Variants in PCDHGA5 observed in about 807,000 individuals in gnomAD.
The protein encoded by PCDHGA5 is protocadherin gamma-A5.
PCDHGA5 carries 36 observed loss-of-function variants against 56.7 expected under a neutral mutation model. The observed-to-expected ratio is 0.64, with a 90% CI of 0.49 to 0.84. The LOEUF (loss-of-function observed/expected upper bound fraction) is 0.84, where lower values mean the gene tolerates loss of function less well. PCDHGA5 is among the 40% of genes least tolerant of loss of function. The pLI is 0.00. For synonymous variants in PCDHGA5, 563 were observed against 520.2 expected, an observed-to-expected ratio of 1.08 and a Z score of -1.12; for missense variants, 1,305 against 1,201.5, an observed-to-expected ratio of 1.09 and a Z score of -1.27.
At chr5:141,387,976 A>G (rs1406804687) in intron 1 of PCDHGA5, 2 of 1,490,180 alleles carry the variant, frequency 1.3e-6, no homozygotes, top group South Asian at 2.6e-5. Context: ...GCGCTCTGTG[A>G]GCAGATCCGC....
chr5:141,426,978 G>A (rs1383521288), intron 1 of PCDHGA5: 1 of 456,770 alleles, frequency 2.2e-6, no homozygotes, highest in Non-Finnish European at 4.4e-6. Flanking sequence ...TGAGGTCACT[G>A]ATGCCAACGA....
At chr5:141,460,435 A>G (rs1002182353) in intron 1 of PCDHGA5, among the ~76,000 whole-genome samples, 1 of 152,144 alleles carries the variant, frequency 6.6e-6, no homozygotes, top group Admixed American at 6.6e-5. Context: ...GTATGGTGTG[A>G]GGTAACAATG....
At chr5:141,430,737 A>G in intron 1 of PCDHGA5, 1 of 1,498,286 alleles carries the variant, frequency 6.7e-7, no homozygotes, top group South Asian at 1.4e-5. Flanking sequence ...CAGAATTGAA[A>G]ATAATTCTGG....
intron 1 of PCDHGA5, chr5:141,418,083 T>C: frequency 6.2e-7 from 1 of 1,614,068 alleles, no homozygotes; most frequent in Non-Finnish European, 8.5e-7. Context: ...AAGCTGCACT[T>C]CAGCGTAGAC....
In PCDHGA5 at chr5:141,485,472, C is replaced by T. The variant is rs1185020546; in HGVS notation, c.2422-9335C>T. On this transcript the variant is annotated intron_variant, in intron 1 of 3. Transcript: ENST00000518069. This position sits in a 1 kb window ranked among gnomAD's most constrained non-coding sequence, Gnocchi z 5.7. The stretch of plus-strand genomic sequence containing the variant: ...CGAGAGGCACTGTGTGGGCTCAGTG[C>T]CAGCTGCATCGTGCCCCTGGAGTTT... The T allele has an allele frequency of 3.1e-6, 5 of 1,614,138 alleles. No individual in the cohort carries two copies. In the South Asian group the frequency reaches 5.5e-5, roughly 18 times the overall value.
intron 1 of PCDHGA5, chr5:141,411,305 C>T (rs1317785609): frequency 6.6e-6 from 1 of 152,176 alleles, no homozygotes; most frequent in Non-Finnish European, 1.5e-5. Context: ...CCCAGTGGCT[C>T]ACACCTATAA....
rs994878374 is a variant in PCDHGA5, at chr5:141,491,785, C to T, written c.2422-3022C>T. ...TCCTCATAAGGGATTGAACTTGCAT[C>T]CACTCCTCTCCGGCCGGCTTGGTCG... is the stretch of plus-strand genomic sequence containing the variant. On this transcript the variant is annotated intron_variant, in intron 1 of 3. Transcript: ENST00000518069. The surrounding 1 kb of genome is among the most constrained non-coding windows in gnomAD (Gnocchi z 6.9). 20 of 1,529,458 alleles carry T rather than the reference C, an allele frequency of 1.3e-5. No individual in the cohort carries two copies. Among genetic ancestry groups the T allele is most frequent in the Non-Finnish European group, 1.8e-5 (20 of 1,139,198 alleles). The allele number at this position is 1,529,458 out of a possible 1,614,324, so 94.7% of individuals were successfully genotyped here. A position where few individuals can be genotyped will look rare whatever the true frequency, so the allele number is the denominator to read the frequency against.
intron 1 of PCDHGA5, chr5:141,423,297 C>T: frequency 1.9e-6 from 3 of 1,614,170 alleles, no homozygotes; most frequent in South Asian, 1.1e-5. Flanking sequence ...CCTCAGACCT[C>T]TCGCTGTACT....
chr5:141,417,721 C>A, intron 1 of PCDHGA5: 2 of 1,330,572 alleles, frequency 1.5e-6, no homozygotes, highest in Non-Finnish European at 2.0e-6. Context: ...CCCGGCTGCG[C>A]AGACCTTGCC....
chr5:141,403,697 G>A (rs1230785832), intron 1 of PCDHGA5: 5 of 1,613,830 alleles, frequency 3.1e-6, no homozygotes, highest in Admixed American at 1.7e-5. Context: ...GATTTACCGA[G>A]TTAAAGTCCT....
chr5:141,456,884 A>G (rs1448469695), intron 1 of PCDHGA5, among the ~76,000 whole-genome samples: 1 of 151,974 alleles, frequency 6.6e-6, no homozygotes, highest in East Asian at 1.9e-4. Flanking sequence ...AATCGCTTGA[A>G]CCCGGGAGGC....
At position 141,485,044 on chromosome 5, in the gene PCDHGA5, G is replaced by A; in HGVS notation, c.2422-9763G>A. 2 of 737,674 alleles carry A rather than the reference G, an allele frequency of 2.7e-6. No individual in the cohort carries two copies. The highest frequency in any genetic ancestry group is 1.8e-5 in the African/African-American group (1 of 56,792). The allele number at this position is 737,674 out of a possible 1,614,324, so 45.7% of individuals were successfully genotyped here. A position where few individuals can be genotyped will look rare whatever the true frequency, so the allele number is the denominator to read the frequency against. ...GCAAAAACGGCGCGTAACCCTTGCG[G>A]CGCCGGCCGAACCGCGCCAGAGCTG... On this transcript the variant is annotated intron_variant, in intron 1 of 3. Coordinates refer to ENST00000518069, the MANE Select transcript of PCDHGA5 (RefSeq NM_018918.3). This position sits in a 1 kb window ranked among gnomAD's most constrained non-coding sequence, Gnocchi z 5.7.
At chr5:141,406,682 ATTC>A (rs1390945950) in intron 1 of PCDHGA5, among the ~76,000 whole-genome samples, 1 of 152,216 alleles carries the variant, frequency 6.6e-6, no homozygotes, top group Non-Finnish European at 1.5e-5. Flanking sequence ...ATAGTAGGAC[ATTC>A]TTCTTTTCTA....
At chr5:141,464,748 T>C (rs995568259) in intron 1 of PCDHGA5, among the ~76,000 whole-genome samples, 2 of 152,190 alleles carry the variant, frequency 1.3e-5, no homozygotes, top group Admixed American at 1.3e-4. Context: ...TATCTTTTTG[T>C]TTTTTTAGAG....
At chr5:141,374,976 C>T (rs774690686) in intron 1 of PCDHGA5, 1 of 1,614,016 alleles carries the variant, frequency 6.2e-7, no homozygotes, top group South Asian at 1.1e-5. Context: ...AATGTTTTGA[C>T]TGGAGAAATT....
intron 1 of PCDHGA5, chr5:141,393,798 G>C (rs1228076034): frequency 1.2e-6 from 2 of 1,613,876 alleles, no homozygotes; most frequent in Non-Finnish European, 1.7e-6. Flanking sequence ...GGCACTTCTG[G>C]GGAGGACCAA....
intron 1 of PCDHGA5, among the ~76,000 whole-genome samples, chr5:141,439,190 C>CAAA (rs200519543): frequency 1.8e-5 from 2 of 111,760 alleles, no homozygotes; most frequent in African/African-American, 6.3e-5. Context: ...GAGACTCTGA[C>CAAA]AAAAAAAAAA....
intron 3 of PCDHGA5, chr5:141,507,313 T>TAC (rs1554192306): frequency 6.7e-6 from 1 of 150,168 alleles, no homozygotes. Context: ...CATAATGTAC[T>TAC]AAAAAAAAAA....
Position 141,432,147 on chromosome 5 carries a change from A to G in PCDHGA5, c.2422-62660A>G. 6.2e-7 allele frequency: 1 copy of G among 1,614,066 alleles called. No individual in the cohort carries two copies. The highest frequency in any genetic ancestry group is 8.5e-7 in the Non-Finnish European group (1 of 1,179,998). ...GCCTCCTATTCCGCTTATATCCCAG[A>G]GAACAATCCCAGAGGAGTTTCCCTC... On this transcript the variant is annotated intron_variant, in intron 1 of 3. Transcript: ENST00000518069. The surrounding 1 kb of genome is among the most constrained non-coding windows in gnomAD (Gnocchi z 6.0).
Sources: allele counts gnomAD v4.1 joint callset (sites outside exome capture counted in the v4.1 genomes callset), GRCh38; gene constraint gnomAD v4.1.1; non-coding constraint Gnocchi (gnomAD v3.1); transcripts MANE v1.5; gene names NCBI Gene and HGNC (gene_info 2026-07-23, HGNC 2026-07-21).